The following UNC13C variants were observed in gnomAD, a reference collection of about 807,000 sequenced individuals.
The protein encoded by UNC13C is protein unc-13 homolog C.
In UNC13C, 174 loss-of-function variants were observed where a neutral mutation model predicts 245.4. The ratio of observed to expected loss-of-function variants is 0.71; its 90% CI spans 0.63 to 0.80. UNC13C has a LOEUF of 0.80. Ranked by LOEUF, UNC13C falls within the 30% of genes least tolerant of loss-of-function variation. The pLI is 0.00. For missense variants in UNC13C, 2,829 were observed against 2,602.9 expected (o/e 1.09, Z -1.89); for synonymous variants, 992 against 895.1 (o/e 1.11, Z -1.93).
At chr15:53,997,639 T>G (rs1894696591) in intron 1 of UNC13C, among the ~76,000 whole-genome samples, 1 of 152,110 alleles carries the variant, frequency 6.6e-6, no homozygotes, top group Non-Finnish European at 1.5e-5. Flanking sequence ...TTTTTGTACC[T>G]TTGTAAAAAT....
chr15:54,411,691 G>T (rs887964697), intron 18 of UNC13C, among the ~76,000 whole-genome samples: 1 of 152,040 alleles, frequency 6.6e-6, no homozygotes, highest in Non-Finnish European at 1.5e-5. Flanking sequence ...AAGACATTCT[G>T]TATAAATTAT....
At chr15:54,216,719 G>A (rs941063879) in intron 4 of UNC13C, among the ~76,000 whole-genome samples, 11 of 152,044 alleles carry the variant, frequency 7.2e-5, no homozygotes, top group Admixed American at 3.9e-4. Context: ...CAGAGTGAGC[G>A]AGATGAAAGA....
chr15:54,406,468 C>T (rs2040295578), intron 18 of UNC13C, among the ~76,000 whole-genome samples: 1 of 152,176 alleles, frequency 6.6e-6, no homozygotes, highest in Non-Finnish European at 1.5e-5. Context: ...TCTCAGATTC[C>T]TTCCACTTGA....
At chr15:54,011,676 C>G (rs1895386342) in intron 1 of UNC13C, among the ~76,000 whole-genome samples, 1 of 152,154 alleles carries the variant, frequency 6.6e-6, no homozygotes, top group Admixed American at 6.5e-5. Flanking sequence ...GAGTTATACC[C>G]TGATAGTATT....
At chr15:54,105,518 G>T (rs532029472) in intron 2 of UNC13C, among the ~76,000 whole-genome samples, 3 of 152,230 alleles carry the variant, frequency 2.0e-5, no homozygotes, top group African/African-American at 7.2e-5. Context: ...GTCACAACAG[G>T]CAGAAGAAAT....
chr15:54,552,376 T>C (rs28623720), intron 28 of UNC13C, among the ~76,000 whole-genome samples: 3 of 105,566 alleles, frequency 2.8e-5, no homozygotes, highest in Non-Finnish European at 3.5e-5. Context: ...TATTATATAT[T>C]ACAGCATATA....
chr15:53,944,774 G>T, the UNC13C span, among the ~76,000 whole-genome samples: 1 of 152,104 alleles, frequency 6.6e-6, no homozygotes, highest in African/African-American at 2.4e-5. Flanking sequence ...ATTTCTTTGG[G>T]TATATACCCA....
chr15:54,321,328 C>T (rs990689965), intron 13 of UNC13C: 3 of 469,216 alleles, frequency 6.4e-6, no homozygotes, highest in Non-Finnish European at 1.3e-5. Context: ...GGGTGATGTC[C>T]TTCAATGTCT....
At chr15:53,960,357 G>A in the UNC13C span, among the ~76,000 whole-genome samples, 1 of 149,318 alleles carries the variant, frequency 6.7e-6, no homozygotes, top group Non-Finnish European at 1.5e-5. Context: ...TTTCCTAAAT[G>A]GTAGCTTGGG....
intron 4 of UNC13C, among the ~76,000 whole-genome samples, chr15:54,196,831 A>G (rs1231685062): frequency 2.6e-5 from 4 of 152,192 alleles, no homozygotes; most frequent in Non-Finnish European, 5.9e-5. Context: ...TAACCCGATG[A>G]ACTTATATAA....
At chr15:54,045,164 G>A (rs899840699) in intron 2 of UNC13C, among the ~76,000 whole-genome samples, 1 of 152,022 alleles carries the variant, frequency 6.6e-6, no homozygotes, top group African/African-American at 2.4e-5. Flanking sequence ...GTCATGAAGA[G>A]CTATTTATAT....
chr15:54,086,619 C>T (rs910842098), intron 2 of UNC13C, among the ~76,000 whole-genome samples: 2 of 151,350 alleles, frequency 1.3e-5, no homozygotes, highest in African/African-American at 2.4e-5. Context: ...AGTGAAATGG[C>T]GAAAAACAGG....
intron 2 of UNC13C, among the ~76,000 whole-genome samples, chr15:54,140,484 G>C (rs1468421007): frequency 2.6e-5 from 4 of 152,184 alleles, no homozygotes; most frequent in Non-Finnish European, 4.4e-5. Flanking sequence ...AACTGGCAAA[G>C]GATGAAGATT....
chr15:54,321,587 C>T (rs2038160913), intron 13 of UNC13C: 2 of 376,028 alleles, frequency 5.3e-6, no homozygotes, highest in Admixed American at 3.5e-5. Context: ...CTCAGACTCA[C>T]ATTAACTTTT....
intron 19 of UNC13C, among the ~76,000 whole-genome samples, chr15:54,458,346 G>T (rs1291818379): frequency 6.6e-6 from 1 of 152,078 alleles, no homozygotes; most frequent in Admixed American, 6.6e-5. Context: ...CTGATGAAAA[G>T]AATGTATATT....
intron 30 of UNC13C, among the ~76,000 whole-genome samples, chr15:54,610,575 GAAT>G (rs1378017035): frequency 6.6e-6 from 1 of 152,166 alleles, no homozygotes; most frequent in African/African-American, 2.4e-5. Context: ...AAACAGGGAT[GAAT>G]AATATTTTAA....
chr15:54,503,272 C>A lies in UNC13C; in HGVS notation c.5301+2294C>A, dbSNP rs528760357. 3.9e-5 allele frequency among the ~76,000 whole-genome samples: 6 copies of A among 152,180 alleles called. No individual in the cohort carries two copies. The East Asian group carries it at 1.2e-3, about 29-fold the overall frequency. On this transcript the variant is annotated intron_variant, in intron 22 of 32. Coordinates refer to ENST00000260323, the MANE Select transcript of UNC13C (RefSeq NM_001080534.3). ...AGTGATTTTCATTGAAAAAGAAATT[C>A]TATTTTATTGGAATGATTTAAAAAT...
At chr15:54,160,219 A>T (rs2032919270) in intron 4 of UNC13C, among the ~76,000 whole-genome samples, 1 of 151,828 alleles carries the variant, frequency 6.6e-6, no homozygotes. Context: ...TGGAAGTGTT[A>T]GGTAGACTGT....
the UNC13C span, among the ~76,000 whole-genome samples, chr15:53,937,414 G>A: frequency 6.6e-6 from 1 of 152,128 alleles, no homozygotes; most frequent in Non-Finnish European, 1.5e-5. Flanking sequence ...ACTAATTGGG[G>A]TACATGAAAG....
Sources: gnomAD v4.1 joint callset for allele counts (sites outside exome capture counted in the v4.1 genomes callset) on GRCh38, gnomAD v4.1.1 for gene constraint, MANE v1.5 for transcripts, NCBI Gene and HGNC (gene_info 2026-07-23, HGNC 2026-07-21) for gene names.